TRPM3: variants seen among roughly 807,000 people sequenced by gnomAD.
TRPM3 encodes long transient receptor potential channel 3.
In TRPM3, 77 loss-of-function variants were observed where a neutral mutation model predicts 181.2. The observed-to-expected ratio is 0.42, with a 90% confidence interval of 0.35 to 0.51. The LOEUF is 0.51. TRPM3 is among the 20% of genes least tolerant of loss of function. TRPM3 has a pLI of 0.01. For synonymous variants in TRPM3, 745 were observed against 796.4 expected (o/e 0.94, Z 1.09); for missense variants, 1,759 against 2,196.7 (o/e 0.80, Z 3.98).
At chr9:71,339,022 A>G (rs1213245110) in intron 1 of TRPM3, among the ~76,000 whole-genome samples, 1 of 152,190 alleles carries the variant, frequency 6.6e-6, no homozygotes, top group South Asian at 2.1e-4. Flanking sequence ...CAGATAATGT[A>G]GCAGATATAA....
intron 1 of TRPM3, among the ~76,000 whole-genome samples, chr9:71,232,144 A>G (rs2131910163): frequency 6.6e-6 from 1 of 152,242 alleles, no homozygotes; most frequent in East Asian, 1.9e-4. Flanking sequence ...TGTTGATATC[A>G]AATGGGCAGG....
At chr9:71,041,648 G>C (rs887834845) in intron 1 of TRPM3, among the ~76,000 whole-genome samples, 1 of 152,098 alleles carries the variant, frequency 6.6e-6, no homozygotes, top group African/African-American at 2.4e-5. Flanking sequence ...TTCACAAAAA[G>C]GTTTAGTTGG....
chr9:70,568,791 C>CA (rs1223887126), intron 22 of TRPM3, among the ~76,000 whole-genome samples: 1 of 152,172 alleles, frequency 6.6e-6, no homozygotes, highest in African/African-American at 2.4e-5. Context: ...TTTGCATGCC[C>CA]AGATATCTGC....
chr9:70,539,616 C>T (rs1354893602), intron 25 of TRPM3, among the ~76,000 whole-genome samples: 1 of 152,100 alleles, frequency 6.6e-6, no homozygotes, highest in African/African-American at 2.4e-5. Flanking sequence ...AAACTCAACG[C>T]CATGCACTCA....
intron 1 of TRPM3, among the ~76,000 whole-genome samples, chr9:71,290,928 C>T (rs755325375): frequency 2.3e-4 from 35 of 152,024 alleles, no homozygotes; most frequent in South Asian, 6.2e-4. Context: ...GAAAACAGCA[C>T]AAGCAATATA....
chr9:71,202,241 C>CG (rs1343932908), intron 1 of TRPM3, among the ~76,000 whole-genome samples: 1 of 152,094 alleles, frequency 6.6e-6, no homozygotes, highest in Non-Finnish European at 1.5e-5. Flanking sequence ...CTGCCCCTAC[C>CG]GGGGGGTGCC....
At chr9:70,844,188 G>A (rs6560161) in intron 4 of TRPM3, among the ~76,000 whole-genome samples, 86,283 of 152,008 alleles carry the variant, frequency 0.57, 24,853 homozygotes, top group Non-Finnish European at 0.58. Flanking sequence ...GACACTGTGC[G>A]CTAAACTAAC....
intron 1 of TRPM3, among the ~76,000 whole-genome samples, chr9:71,077,418 C>G (rs559699361): frequency 6.6e-6 from 1 of 152,224 alleles, no homozygotes; most frequent in Non-Finnish European, 1.5e-5. Flanking sequence ...CATCATCACA[C>G]ACTCCTCAAT....
At chr9:71,037,319 T>C (rs2058324938) in intron 1 of TRPM3, among the ~76,000 whole-genome samples, 1 of 152,210 alleles carries the variant, frequency 6.6e-6, no homozygotes, top group Non-Finnish European at 1.5e-5. Context: ...AGTTAAGTCT[T>C]GGTATCTCAG....
chr9:71,331,143 C>A (rs1259213680), intron 1 of TRPM3, among the ~76,000 whole-genome samples: 1 of 151,780 alleles, frequency 6.6e-6, no homozygotes, highest in African/African-American at 2.4e-5. Flanking sequence ...AGAAAATAAT[C>A]ATAAATGTGT....
rs541077633 is a variant in TRPM3, at chr9:70,946,617, T to C, written c.178-82106A>G. On this transcript the variant is annotated intron_variant, in intron 1 of 25. Transcript: ENST00000677713. The stretch of plus-strand genomic sequence containing the variant: ...TTTAAAGCTTTTAAATTTATGTATC[T>C]ATATCAATGAATTTTCACACATTAA... Among the ~76,000 whole-genome samples the C allele has an allele frequency of 2.6e-5, 4 of 152,212 alleles. No homozygotes were observed. In the South Asian group the frequency reaches 8.3e-4, roughly 32 times the overall value.
At chr9:70,567,448 A>G (rs932363025) in intron 22 of TRPM3, among the ~76,000 whole-genome samples, 1 of 152,262 alleles carries the variant, frequency 6.6e-6, no homozygotes, top group Non-Finnish European at 1.5e-5. Context: ...TGAAAATTAG[A>G]TGGCTTCACT....
intron 1 of TRPM3, among the ~76,000 whole-genome samples, chr9:71,396,478 G>A (rs1047852986): frequency 1.3e-5 from 2 of 151,942 alleles, no homozygotes; most frequent in African/African-American, 4.8e-5. Context: ...CATTTTAAAC[G>A]ATGGGTTCAT....
At chr9:70,880,815 T>C (rs2095976905) in intron 1 of TRPM3, among the ~76,000 whole-genome samples, 1 of 152,136 alleles carries the variant, frequency 6.6e-6, no homozygotes, top group African/African-American at 2.4e-5. Flanking sequence ...AGGCTACTTA[T>C]ATGAAGCCTA....
intron 7 of TRPM3, 136 bp from the exon 8 acceptor site, chr9:70,761,860 G>A (rs2078213372): frequency 1.9e-6 from 2 of 1,030,788 alleles, no homozygotes; most frequent in Non-Finnish European, 2.7e-6. Context: ...TCTCACAAAA[G>A]GTATCCCGCC....
intron 1 of TRPM3, among the ~76,000 whole-genome samples, chr9:71,395,493 C>A (rs550781228): frequency 4.5e-4 from 68 of 152,276 alleles, no homozygotes; most frequent in African/African-American, 1.6e-3. Flanking sequence ...GTTTGAGAAG[C>A]AATGACACGT....
intron 1 of TRPM3, among the ~76,000 whole-genome samples, chr9:71,248,166 C>G (rs1468808637): frequency 6.6e-6 from 1 of 152,214 alleles, no homozygotes; most frequent in Non-Finnish European, 1.5e-5. Context: ...GAAACCCATT[C>G]ACCCTTCTTA....
chr9:70,814,061 AAG>A (rs1397945904), intron 6 of TRPM3, among the ~76,000 whole-genome samples: 6 of 152,230 alleles, frequency 3.9e-5, no homozygotes, highest in African/African-American at 1.4e-4. Context: ...AAGTACTGTC[AAG>A]AGAAGATATA....
intron 1 of TRPM3, among the ~76,000 whole-genome samples, chr9:71,067,560 T>G (rs2062092969): frequency 6.6e-6 from 1 of 152,072 alleles, no homozygotes; most frequent in South Asian, 2.1e-4. Flanking sequence ...TTTCTTCACA[T>G]AAAAAAAGGA....
Sources: gnomAD v4.1 joint callset for allele counts (sites outside exome capture counted in the v4.1 genomes callset) on GRCh38, gnomAD v4.1.1 for gene constraint, MANE v1.5 for transcripts, NCBI Gene and HGNC (gene_info 2026-07-23, HGNC 2026-07-21) for gene names.